The following MSI2 variants were observed in gnomAD, a reference collection of about 807,000 sequenced individuals.
MSI2 encodes the protein musashi RNA binding protein 2.
MSI2 carries 17 observed loss-of-function variants against 45.6 expected under a neutral mutation model. That is an observed-to-expected ratio of 0.37 (90% confidence interval 0.26 to 0.56). The LOEUF is 0.56. Among genes scored for constraint, MSI2 ranks in the 20% least tolerant of loss-of-function variants. The pLI, the probability that MSI2 is intolerant of heterozygous loss-of-function variation, is 0.77. For synonymous variants in MSI2, 156 were observed against 158.2 expected (o/e 0.99, Z 0.11); for missense variants, 293 against 444.2 (o/e 0.66, Z 3.06).
intron 7 of MSI2, among the ~76,000 whole-genome samples, chr17:57,547,741 TACACACACACACACACACACACACACAC>T (rs34631177): frequency 8.1e-6 from 1 of 123,314 alleles, no homozygotes; most frequent in East Asian, 2.3e-4. Flanking sequence ...AGACAAAAAG[TACACACACACACACACACACACACACAC>T]ACACACACAC....
intron 6 of MSI2, among the ~76,000 whole-genome samples, chr17:57,523,799 C>T (rs1487346130): frequency 6.6e-6 from 1 of 152,158 alleles, no homozygotes; most frequent in Admixed American, 6.5e-5. Context: ...CCTTATTCTG[C>T]CCCTTTTCTT....
intron 5 of MSI2, among the ~76,000 whole-genome samples, chr17:57,344,892 G>A (rs547697488): frequency 1.3e-5 from 2 of 152,156 alleles, no homozygotes; most frequent in Admixed American, 1.3e-4. Flanking sequence ...GTGAAACCCC[G>A]TCCCTACTAA....
intron 6 of MSI2, among the ~76,000 whole-genome samples, chr17:57,403,834 T>G (rs1314941814): frequency 6.6e-6 from 1 of 152,016 alleles, no homozygotes; most frequent in Non-Finnish European, 1.5e-5. Context: ...ACTACAATGA[T>G]TAAATCCAGT....
At chr17:57,601,657 T>C (rs970722632) in intron 8 of MSI2, 60 of 152,166 alleles carry the variant, frequency 3.9e-4, no homozygotes, top group African/African-American at 1.3e-3. Context: ...TGAAATGATG[T>C]TGGGGAGCCA....
intron 6 of MSI2, among the ~76,000 whole-genome samples, chr17:57,492,441 C>A (rs568353712): frequency 6.6e-6 from 1 of 152,280 alleles, no homozygotes; most frequent in South Asian, 2.1e-4. Context: ...AAATAGATAT[C>A]TAAGTCTTTG....
chr17:57,442,983 C>T (rs941384776), intron 6 of MSI2, among the ~76,000 whole-genome samples: 15 of 152,344 alleles, frequency 9.8e-5, no homozygotes, highest in African/African-American at 3.6e-4. Flanking sequence ...TTACTTCCCA[C>T]CTGCCAGCAC....
rs192454300 is a variant in MSI2 at position 57,417,067 on chromosome 17, G to A, written c.405+15596G>A. Reference sequence around the variant, plus strand: ...GCCAGTGTCACTGCGAGGTGGGGACGGTGGTTGCTGCTGTGGAGCTCCTCT... The same window carrying A: ...GCCAGTGTCACTGCGAGGTGGGGACAGTGGTTGCTGCTGTGGAGCTCCTCT... On this transcript the variant is annotated intron_variant, in intron 6 of 13. Transcript: ENST00000284073. Among the ~76,000 whole-genome samples the A allele has an allele frequency of 1.6e-3, 241 of 152,226 alleles. 1 individual carries two copies. Among genetic ancestry groups the A allele is most frequent in the African/African-American group, 4.0e-3 (167 of 41,540 alleles).
At chr17:57,669,062 A>G (rs577643793) in intron 11 of MSI2, among the ~76,000 whole-genome samples, 6 of 152,198 alleles carry the variant, frequency 3.9e-5, no homozygotes, top group Non-Finnish European at 5.9e-5. Context: ...CTGAAGTATA[A>G]TCCTACCTTG....
intron 6 of MSI2, among the ~76,000 whole-genome samples, chr17:57,443,551 C>A (rs1052715724): frequency 2.6e-5 from 4 of 152,144 alleles, no homozygotes; most frequent in Non-Finnish European, 5.9e-5. Context: ...TTGGAAGAAC[C>A]AACTCCCATC....
chr17:57,405,171 G>A (rs560355613), intron 6 of MSI2, among the ~76,000 whole-genome samples: 4 of 152,298 alleles, frequency 2.6e-5, no homozygotes, highest in South Asian at 2.1e-4. Context: ...TCCTTTGCTG[G>A]CCTCGGCTTC....
At position 57,369,600 on chromosome 17, in the gene MSI2, A is replaced by G. The variant is rs541410207; in HGVS notation, c.313-31779A>G. ...TGGTTTTGCAAAGGAAGATACTGAC[A>G]TGTTCAGATTAAGAAATCGTAAAGC... is the stretch of plus-strand genomic sequence containing the variant. On this transcript the variant is annotated intron_variant, in intron 5 of 13. Coordinates refer to ENST00000284073, the MANE Select transcript of MSI2 (RefSeq NM_138962.4). Among the ~76,000 whole-genome samples, 3 of 152,370 alleles carry G rather than the reference A, an allele frequency of 2.0e-5. No individual in the cohort carries two copies. The South Asian group carries it at 6.2e-4, about 32-fold the overall frequency.
intron 5 of MSI2, among the ~76,000 whole-genome samples, chr17:57,395,821 G>A (rs1431698160): frequency 6.6e-6 from 1 of 152,192 alleles, no homozygotes; most frequent in Non-Finnish European, 1.5e-5. Context: ...GGACAGGATG[G>A]GGTAATAGAC....
chr17:57,631,523 AT>A, intron 10 of MSI2: 1 of 410,890 alleles, frequency 2.4e-6, no homozygotes. Flanking sequence ...GTCAGAATAA[AT>A]GTTCCTAGAG....
chr17:57,327,473 G>C (rs1286557583), intron 5 of MSI2, among the ~76,000 whole-genome samples: 2 of 152,156 alleles, frequency 1.3e-5, no homozygotes, highest in Admixed American at 1.3e-4. Flanking sequence ...CTCTACCCTT[G>C]GTTGGCTATC....
chr17:57,569,954 G>A lies in MSI2; in HGVS notation c.455-26914G>A, dbSNP rs545328435. Among the ~76,000 whole-genome samples the A allele has an allele frequency of 5.9e-5, 9 of 152,250 alleles. No homozygotes were observed. The South Asian group carries it at 1.9e-3, about 32-fold the overall frequency. On this transcript the variant is annotated intron_variant, in intron 7 of 13. Coordinates refer to ENST00000284073, the MANE Select transcript of MSI2 (RefSeq NM_138962.4). Reference sequence around the variant, plus strand: ...ATCAGTGGGAAAGGGTGTGAAATCTGCCTTGGGAGTTACAGGGAGGTCCTC... The same window carrying A: ...ATCAGTGGGAAAGGGTGTGAAATCTACCTTGGGAGTTACAGGGAGGTCCTC...
chr17:57,596,733 C>T lies in MSI2; in HGVS notation c.455-135C>T. ...AATCATTGCCTCCAACCTCAAGGTC[C>T]TCCCAAGGATCCGCCTACCTACCCC... On this transcript the variant is annotated intron_variant, in intron 7 of 13. Transcript: ENST00000284073. The surrounding 1 kb of genome is among the most constrained non-coding windows in gnomAD (Gnocchi z 4.6). 1.5e-6 allele frequency: 1 copy of T among 646,998 alleles called. No homozygotes were observed. Among genetic ancestry groups the T allele is most frequent in the Non-Finnish European group, 2.8e-6 (1 of 360,356 alleles). 40.1% of individuals were successfully genotyped at this position (646,998 alleles called of 1,614,324 possible).
At chr17:57,526,859 G>C (rs373632250) in intron 6 of MSI2, among the ~76,000 whole-genome samples, 1 of 151,904 alleles carries the variant, frequency 6.6e-6, no homozygotes, top group Non-Finnish European at 1.5e-5. Context: ...AGGTCTTTGC[G>C]AGCCCCATTG....
Position 57,256,824 on chromosome 17 carries a change from C to G in MSI2, c.62+20C>G. ...CCCCGGGTAAGTTTCCAGCCGCTGC[C>G]CACCGCGCCGCCTTGGGCTCGCTCT... On this transcript the variant is annotated intron_variant, in intron 1 of 13. Transcript: ENST00000284073. The G allele has an allele frequency of 6.9e-7, 1 of 1,449,416 alleles. No individual in the cohort carries two copies. The highest frequency in any genetic ancestry group is 9.1e-7 in the Non-Finnish European group (1 of 1,102,860). 89.8% of individuals were successfully genotyped at this position (1,449,416 alleles called of 1,614,324 possible).
At position 57,610,450 on chromosome 17, in the gene MSI2, TAAA is replaced by T. The variant is rs111461890; in HGVS notation, c.538-5508_538-5506del. Reference sequence around the variant, plus strand: ...CTGAGCGACACAGCAAGACTCCGTCTAAAAAAAAAAAAAATTCTACATATAGAG... The same window carrying T: ...CTGAGCGACACAGCAAGACTCCGTCTAAAAAAAAAAATTCTACATATAGAG... On this transcript the variant is annotated intron_variant, in intron 8 of 13. Transcript: ENST00000284073. Among the ~76,000 whole-genome samples the T allele has an allele frequency of 1.4e-4, 15 of 109,572 alleles. 5 individuals carry two copies. Among genetic ancestry groups the T allele is most frequent in the African/African-American group, 5.0e-4 (15 of 30,230 alleles). The allele number at this position is 109,572 out of a possible 152,430, so 71.9% of individuals were successfully genotyped here.
Sources: gnomAD v4.1 joint callset for allele counts (sites outside exome capture counted in the v4.1 genomes callset) on GRCh38, gnomAD v4.1.1 for gene constraint, Gnocchi (gnomAD v3.1) non-coding constraint, MANE v1.5 for transcripts, NCBI Gene and HGNC (gene_info 2026-07-23, HGNC 2026-07-21) for gene names.